ANK2: variants seen among roughly 807,000 people sequenced by gnomAD.
ANK2 encodes ankyrin-2.
In ANK2, 83 loss-of-function variants were observed where a neutral mutation model predicts 360.5. The observed-to-expected ratio is 0.23, with a 90% CI of 0.19 to 0.28. The LOEUF is 0.28. ANK2 is among the 10% of genes least tolerant of loss of function. The pLI is 1.00. For synonymous variants in ANK2, 1,740 were observed against 1,759.5 expected (o/e 0.99, Z 0.28); for missense variants, 4,201 against 4,795.7 (o/e 0.88, Z 3.66).
At chr4:113,310,680 G>A (rs2079479515) in intron 23 of ANK2, among the ~76,000 whole-genome samples, 1 of 152,192 alleles carries the variant, frequency 6.6e-6, no homozygotes, top group African/African-American at 2.4e-5. Flanking sequence ...GCCTCCCAAA[G>A]GGTTGGGATT....
At chr4:112,899,202 G>A (rs534597134) in intron 1 of ANK2, among the ~76,000 whole-genome samples, 66 of 152,192 alleles carry the variant, frequency 4.3e-4, no homozygotes, top group African/African-American at 1.5e-3. Flanking sequence ...ATGAAAGTTA[G>A]GAAAGTAACT....
chr4:113,355,841 G>A lies in ANK2; in HGVS notation c.7223G>A (p.Gly2408Glu), dbSNP rs761282106. The A allele has an allele frequency of 1.9e-6, 3 of 1,614,112 alleles. No individual in the cohort carries two copies. Among genetic ancestry groups the A allele is most frequent in the East Asian group, 2.2e-5 (1 of 44,872 alleles). ...CAGGGAGTCATTAGAAGTCCCCAAG[G>A]GTTAGAACTTGCACTCCCTAGCCGA... is the stretch of plus-strand genomic sequence containing the variant. ...KPQGVIRSPQ[G>E]LELALPSRDS... Residue 2408 changes from glycine to glutamate, a missense_variant, in exon 38 of 46, where the codon GGG becomes GAG. Coordinates refer to ENST00000357077, the MANE Select transcript of ANK2 (RefSeq NM_001148.6).
Position 113,049,854 on chromosome 4 carries a change from T to C in ANK2, c.84+42T>C, listed in dbSNP as rs778219314. 2.5e-6 allele frequency: 4 copies of C among 1,598,930 alleles called. No homozygotes were observed. In the East Asian group the frequency reaches 9.0e-5, roughly 36 times the overall value. ...AGGAATGTCTGTGTATAAATATGTATGTGTGTGCATGTGTGAGTGTGTAAT... is the reference window on the plus strand; with the variant it reads ...AGGAATGTCTGTGTATAAATATGTACGTGTGTGCATGTGTGAGTGTGTAAT... On this transcript the variant is annotated intron_variant, in intron 1 of 45. Transcript: ENST00000357077.
intron 2 of ANK2, among the ~76,000 whole-genome samples, chr4:112,972,229 A>T (rs2039788584): frequency 6.6e-6 from 1 of 152,124 alleles, no homozygotes. Context: ...CAGAATGTGC[A>T]GGTTTGTTAC....
intron 1 of ANK2, among the ~76,000 whole-genome samples, chr4:112,842,750 G>C (rs2062408228): frequency 6.6e-6 from 1 of 152,192 alleles, no homozygotes; most frequent in Non-Finnish European, 1.5e-5. Flanking sequence ...GCCGCAGACT[G>C]GGGACTGGGG....
rs1486193176 is a variant in ANK2, at chr4:112,883,929, A to G, written c.-39-20526A>G. ...ATAAAATGATTCTCAATTCTTTTTCACCTGGGCCTGATTGCTCTAGATAAG... is the reference window on the plus strand; with the variant it reads ...ATAAAATGATTCTCAATTCTTTTTCGCCTGGGCCTGATTGCTCTAGATAAG... On this transcript the variant is annotated intron_variant, in intron 1 of 30. Transcript: ENST00000503271. Among the ~76,000 whole-genome samples, 3 of 150,074 alleles carry G rather than the reference A, an allele frequency of 2.0e-5. No homozygotes were observed. The East Asian group carries it at 5.8e-4, about 29-fold the overall frequency.
intron 1 of ANK2, among the ~76,000 whole-genome samples, chr4:113,146,460 A>G (rs1345907695): frequency 6.6e-6 from 1 of 152,090 alleles, no homozygotes; most frequent in Non-Finnish European, 1.5e-5. Flanking sequence ...CTAAAACAGT[A>G]TTTCCCTCTA....
chr4:112,890,431 T>A (rs1200283338), intron 1 of ANK2, among the ~76,000 whole-genome samples: 1 of 152,162 alleles, frequency 6.6e-6, no homozygotes, highest in Non-Finnish European at 1.5e-5. Flanking sequence ...ATATTTGGGC[T>A]GTAGAATATT....
At chr4:112,882,505 G>C (rs570551345) in intron 1 of ANK2, among the ~76,000 whole-genome samples, 9 of 152,172 alleles carry the variant, frequency 5.9e-5, no homozygotes. Flanking sequence ...TTACTAACTT[G>C]GAATGGATGG....
intron 1 of ANK2, among the ~76,000 whole-genome samples, chr4:113,082,487 G>C (rs1217961338): frequency 6.6e-6 from 1 of 152,030 alleles, no homozygotes; most frequent in Non-Finnish European, 1.5e-5. Flanking sequence ...TTTTTTTAGT[G>C]ACTATACATT....
chr4:112,952,181 C>G (rs149179507), intron 2 of ANK2, among the ~76,000 whole-genome samples: 34 of 152,286 alleles, frequency 2.2e-4, no homozygotes, highest in Middle Eastern at 6.8e-3. Flanking sequence ...GACAGATGCA[C>G]AGTAGCACTC....
chr4:113,143,328 C>G (rs1326026650), intron 1 of ANK2, among the ~76,000 whole-genome samples: 2 of 35,246 alleles, frequency 5.7e-5, no homozygotes, highest in Non-Finnish European at 1.1e-4. Context: ...ATTAATGAGA[C>G]AGAAAGATGC....
At chr4:112,748,961 G>A in the ANK2 span, among the ~76,000 whole-genome samples, 2 of 152,132 alleles carry the variant, frequency 1.3e-5, no homozygotes, top group African/African-American at 2.4e-5. Context: ...GTGCAATGGC[G>A]CAATCTCAGC....
At chr4:113,035,463 A>G (rs2061389120) in intron 2 of ANK2, among the ~76,000 whole-genome samples, 1 of 151,918 alleles carries the variant, frequency 6.6e-6, no homozygotes, top group African/African-American at 2.4e-5. Context: ...CCAGGAAAAT[A>G]GGATTTGATG....
intron 2 of ANK2, among the ~76,000 whole-genome samples, chr4:113,195,512 A>G (rs930047744): frequency 6.6e-6 from 1 of 152,136 alleles, no homozygotes; most frequent in African/African-American, 2.4e-5. Context: ...TTGGGTCTAT[A>G]TGATATGTGT....
chr4:112,871,934 G>A lies in ANK2; in HGVS notation c.-39-32521G>A, dbSNP rs539247600. ...GTATATAAACTGACCTTGTATTCCT[G>A]AGATAGACTCCACTCGGTTGTGATA... On this transcript the variant is annotated intron_variant, in intron 1 of 30. Coordinates refer to the ANK2 transcript ENST00000503271. 1.1e-4 allele frequency among the ~76,000 whole-genome samples: 17 copies of A among 152,036 alleles called. No individual in the cohort carries two copies. The South Asian group carries it at 3.5e-3, about 32-fold the overall frequency.
intron 2 of ANK2, among the ~76,000 whole-genome samples, chr4:112,911,477 C>A (rs141783414): frequency 6.6e-6 from 1 of 151,776 alleles, no homozygotes; most frequent in Non-Finnish European, 1.5e-5. Flanking sequence ...GAGCGGAGAT[C>A]GAACCACTGC....
chr4:113,322,438 C>T (rs2086807250), intron 26 of ANK2, among the ~76,000 whole-genome samples: 1 of 152,228 alleles, frequency 6.6e-6, no homozygotes, highest in Non-Finnish European at 1.5e-5. Flanking sequence ...ATCATAACAA[C>T]ATAATCTTGG....
chr4:113,159,551 C>T (rs953324956), intron 1 of ANK2, among the ~76,000 whole-genome samples: 2 of 151,902 alleles, frequency 1.3e-5, no homozygotes, highest in African/African-American at 4.8e-5. Flanking sequence ...TATATTGCTT[C>T]ACATAAAATC....
Sources: allele counts gnomAD v4.1 joint callset (sites outside exome capture counted in the v4.1 genomes callset), GRCh38; gene constraint gnomAD v4.1.1; transcripts MANE v1.5; gene names NCBI Gene and HGNC (gene_info 2026-07-23, HGNC 2026-07-21).